ITFG2: variants seen among roughly 807,000 people sequenced by gnomAD.
The protein encoded by ITFG2 is KICSTOR complex protein ITFG2.
In ITFG2, 36 loss-of-function variants were observed where a neutral mutation model predicts 54.4. That is an observed-to-expected ratio of 0.66 (90% CI 0.51 to 0.87). The LOEUF (loss-of-function observed/expected upper bound fraction) is 0.87. Ranked by LOEUF, ITFG2 falls within the 40% of genes least tolerant of loss-of-function variation. ITFG2 has a pLI of 0.00. For synonymous variants in ITFG2, 211 were observed against 225.4 expected (o/e 0.94, Z 0.57); for missense variants, 524 against 576.7 (o/e 0.91, Z 0.94).
intron 1 of ITFG2, among the ~76,000 whole-genome samples, chr12:2,816,862 G>T (rs983024981): frequency 1.4e-5 from 2 of 138,246 alleles, no homozygotes; most frequent in African/African-American, 6.2e-5. Context: ...GGCTGGTCTC[G>T]AATTCCTGAG....
intron 2 of ITFG2, chr12:2,849,265 G>A: frequency 6.5e-7 from 1 of 1,536,086 alleles, no homozygotes; most frequent in Non-Finnish European, 8.7e-7. Flanking sequence ...CCTCTTCCTT[G>A]CTGGGGATTT....
Position 2,845,589 on chromosome 12 carries a change from G to A in ITFG2, n.300+4594G>A, listed in dbSNP as rs1241450008. ...CCTTTGCTGGGATTAACTGTTGTCC[G>A]TGAAGCTGGTGGCATTCAGCAGGGC... On this transcript the variant is annotated intron_variant and non_coding_transcript_variant, in intron 2 of 3. Transcript: ENST00000537710. The surrounding 1 kb of genome is among the most constrained non-coding windows in gnomAD (Gnocchi z 4.2). Among the ~76,000 whole-genome samples the A allele has an allele frequency of 3.3e-5, 5 of 152,138 alleles. No homozygotes were observed. Among genetic ancestry groups the A allele is most frequent in the South Asian group, 2.1e-4 (1 of 4,822 alleles).
intron 2 of ITFG2, chr12:2,855,339 G>T: frequency 1.4e-6 from 2 of 1,434,030 alleles, no homozygotes; most frequent in East Asian, 6.1e-5. Flanking sequence ...CCAGCTGGTG[G>T]TAGGCTTGCC....
At position 2,845,415 on chromosome 12, in the gene ITFG2, T is replaced by C. The variant is rs1438269573; in HGVS notation, n.300+4420T>C. Reference sequence around the variant, plus strand: ...CCCAGGGGTTCCCAGTCCCCACAGCTTCCCGACTCCCTGGCCCCAGCCATT... The same window carrying C: ...CCCAGGGGTTCCCAGTCCCCACAGCCTCCCGACTCCCTGGCCCCAGCCATT... On this transcript the variant is annotated intron_variant and non_coding_transcript_variant, in intron 2 of 3. Coordinates refer to the ITFG2 transcript ENST00000537710. The surrounding 1 kb of genome is among the most constrained non-coding windows in gnomAD (Gnocchi z 4.2). 1.3e-5 allele frequency among the ~76,000 whole-genome samples: 2 copies of C among 152,134 alleles called. No individual in the cohort carries two copies.
In ITFG2 at chr12:2,821,387, G is replaced by A. The variant is rs372582632; in HGVS notation, c.793+28G>A. 1.2e-3 allele frequency: 1,940 copies of A among 1,583,982 alleles called. 1 individual carries two copies. The highest frequency in any genetic ancestry group is 1.7e-3 in the Admixed American group (98 of 57,430). ...GAAAGTGTGGTGGGTGTGAGGGAGGGAGATGAGGGGTAGCCGTCAGTTCTG... is the reference window on the plus strand; with the variant it reads ...GAAAGTGTGGTGGGTGTGAGGGAGGAAGATGAGGGGTAGCCGTCAGTTCTG... On this transcript the variant is annotated intron_variant, in intron 7 of 11. Coordinates refer to ENST00000228799, the MANE Select transcript of ITFG2 (RefSeq NM_018463.4).
chr12:2,846,856 G>A (rs1429531252), intron 2 of ITFG2, among the ~76,000 whole-genome samples: 2 of 151,992 alleles, frequency 1.3e-5, no homozygotes, highest in African/African-American at 4.8e-5. Flanking sequence ...ACTGAGAAAC[G>A]CTCTACAAGA....
In ITFG2 at chr12:2,845,487, A is replaced by G. The variant is rs749298786; in HGVS notation, n.300+4492A>G. ...GGAACTTGCGTCAGCAGCTCAGGTC[A>G]TGACACCAAGATCAGGCTTGGAAAG... On this transcript the variant is annotated intron_variant and non_coding_transcript_variant, in intron 2 of 3. Coordinates refer to the ITFG2 transcript ENST00000537710. The surrounding 1 kb of genome is among the most constrained non-coding windows in gnomAD (Gnocchi z 4.2). Among the ~76,000 whole-genome samples the G allele has an allele frequency of 1.1e-4, 17 of 152,154 alleles. No individual in the cohort carries two copies. Among genetic ancestry groups the G allele is most frequent in the Non-Finnish European group, 1.9e-4 (13 of 68,028 alleles).
intron 2 of ITFG2, among the ~76,000 whole-genome samples, chr12:2,850,760 T>C (rs1290495298): frequency 6.6e-6 from 1 of 150,526 alleles, no homozygotes; most frequent in East Asian, 2.1e-4. Context: ...GCAACCTCCA[T>C]CTCCCAGGCT....
chr12:2,843,212 G>C (rs1464820984), intron 2 of ITFG2, among the ~76,000 whole-genome samples: 2 of 152,124 alleles, frequency 1.3e-5, no homozygotes, highest in Non-Finnish European at 2.9e-5. Context: ...TCTATTTCAG[G>C]CTTTCTCCTC....
chr12:2,847,772 C>G (rs1404821422), intron 2 of ITFG2, among the ~76,000 whole-genome samples: 1 of 151,978 alleles, frequency 6.6e-6, no homozygotes, highest in Admixed American at 6.6e-5. Context: ...TTTGCCTATT[C>G]TAGGTACCTC....
At chr12:2,835,159 A>ATGTGTGTGTGTG (rs375198605), upstream of ITFG2, 124 of 1,127,502 alleles carry the variant, frequency 1.1e-4, 2 homozygotes, top group African/African-American at 1.3e-3. Context: ...GATGGGGCGT[A>ATGTGTGTGTGTG]TGTGTGTGTG....
chr12:2,817,392 C>T, intron 2 of ITFG2, 74 bp downstream of exon 2: 1 of 1,000,772 alleles, frequency 1.0e-6, no homozygotes, highest in Non-Finnish European at 1.5e-6. Flanking sequence ...GGGTGAGCCC[C>T]ACACAGGTGC....
chr12:2,858,407 C>T, intron 3 of ITFG2: 1 of 513,012 alleles, frequency 1.9e-6, no homozygotes, highest in Admixed American at 3.3e-5. Context: ...CTTTGTTGTT[C>T]CCACCCTTCA....
At chr12:2,859,579 A>G in exon 4 of ITFG2, 1 of 1,613,954 alleles carries the variant, frequency 6.2e-7, no homozygotes, top group African/African-American at 1.3e-5. Context: ...AGCAAAGGAG[A>G]AAACCCTTCT....
At chr12:2,831,623 G>C (rs984597781), downstream of ITFG2, among the ~76,000 whole-genome samples, 1 of 151,858 alleles carries the variant, frequency 6.6e-6, no homozygotes, top group Non-Finnish European at 1.5e-5. Flanking sequence ...TAAGAACTAG[G>C]ATGCTGGGAG....
chr12:2,817,140 C>T (rs1238361949), intron 1 of ITFG2, 83 bp from the exon 2 acceptor site: 1 of 843,092 alleles, frequency 1.2e-6, no homozygotes, highest in Non-Finnish European at 2.0e-6. Context: ...CTTGTGATTA[C>T]CCTTGGCTAG....
chr12:2,848,012 T>C (rs2098058159), intron 2 of ITFG2, among the ~76,000 whole-genome samples: 1 of 152,236 alleles, frequency 6.6e-6, no homozygotes, highest in Admixed American at 6.5e-5. Context: ...CCTTCACCTA[T>C]ATTCTTGTAT....
intron 2 of ITFG2, among the ~76,000 whole-genome samples, chr12:2,842,089 A>G (rs989597347): frequency 2.0e-5 from 3 of 148,382 alleles, no homozygotes; most frequent in African/African-American, 7.5e-5. Flanking sequence ...AATAATAACA[A>G]TGTAATAATA....
chr12:2,838,466 C>CTG (rs2098033688), intron 1 of ITFG2, among the ~76,000 whole-genome samples: 1 of 152,182 alleles, frequency 6.6e-6, no homozygotes, highest in Admixed American at 6.5e-5. Context: ...GTACACTGCA[C>CTG]TCCAGGGAAG....
Sources: gnomAD v4.1 joint callset for allele counts (sites outside exome capture counted in the v4.1 genomes callset) on GRCh38, gnomAD v4.1.1 for gene constraint, Gnocchi (gnomAD v3.1) non-coding constraint, MANE v1.5 for transcripts, NCBI Gene and HGNC (gene_info 2026-07-23, HGNC 2026-07-21) for gene names.